Variants in ZFYVE16 observed in about 807,000 individuals in gnomAD.
ZFYVE16 encodes zinc finger FYVE-type containing 16.
In ZFYVE16, 89 loss-of-function variants were observed where a neutral mutation model predicts 138.1. The ratio of observed to expected loss-of-function variants is 0.64; its 90% CI spans 0.54 to 0.77. ZFYVE16 has a LOEUF of 0.77. ZFYVE16 is among the 30% of genes least tolerant of loss of function. ZFYVE16 has a pLI of 0.00. For missense variants in ZFYVE16, 1,793 were observed against 1,786.7 expected, an observed-to-expected ratio of 1.00 and a Z score of -0.06; for synonymous variants, 596 against 618.3, an observed-to-expected ratio of 0.96 and a Z score of 0.53.
chr5:80,455,313 C>CT (rs1191886928), intron 11 of ZFYVE16: 1 of 213,374 alleles, frequency 4.7e-6, no homozygotes, highest in Non-Finnish European at 9.4e-6. Context: ...GTGGGTGGAT[C>CT]ACCTGAGGTC....
At chr5:80,461,319 A>C (rs949472812) in intron 15 of ZFYVE16, among the ~76,000 whole-genome samples, 1 of 152,206 alleles carries the variant, frequency 6.6e-6, no homozygotes. Flanking sequence ...TAATTCCTGT[A>C]TATCCAATCA....
intron 11 of ZFYVE16, among the ~76,000 whole-genome samples, chr5:80,453,457 C>A (rs904386931): frequency 7.2e-5 from 11 of 152,072 alleles, no homozygotes; most frequent in African/African-American, 2.7e-4. Flanking sequence ...AGTAGTACTT[C>A]TAGATAGTAA....
chr5:80,443,901 T>C, intron 6 of ZFYVE16: 1 of 455,232 alleles, frequency 2.2e-6, no homozygotes. Flanking sequence ...GAGGGTGAGC[T>C]TGGGTTTGAG....
intron 1 of ZFYVE16, among the ~76,000 whole-genome samples, chr5:80,417,277 C>T (rs1245900956): frequency 5.3e-5 from 8 of 152,160 alleles, no homozygotes; most frequent in African/African-American, 1.9e-4. Context: ...CTTATTCCTA[C>T]GTCCCCTGTG....
At chr5:80,420,526 A>C (rs1746983741) in intron 1 of ZFYVE16, among the ~76,000 whole-genome samples, 1 of 151,992 alleles carries the variant, frequency 6.6e-6, no homozygotes, top group Admixed American at 6.6e-5. Context: ...ATTCCCACCT[A>C]TGAGTGAGAA....
intron 18 of ZFYVE16, among the ~76,000 whole-genome samples, chr5:80,476,220 A>T (rs1195306230): frequency 1.3e-5 from 2 of 152,198 alleles, no homozygotes; most frequent in African/African-American, 2.4e-5. Flanking sequence ...TATAGGTGTG[A>T]GCCACCGCAC....
At position 80,438,347 on chromosome 5, in the gene ZFYVE16, A is replaced by G. The variant is rs1374064523; in HGVS notation, c.1662A>G (p.Val554=). 2 of 1,613,680 alleles carry G rather than the reference A, an allele frequency of 1.2e-6. No individual in the cohort carries two copies. Among genetic ancestry groups the G allele is most frequent in the South Asian group, 2.2e-5 (2 of 91,044 alleles). The change falls in exon 4 of 19, where the codon GTA becomes GTG. Residue 554 remains valine, a synonymous_variant. Transcript: ENST00000505560. ...TTNIKSFEEN[V]NDSKSQMNQI... ...ACATAAAGTCTTTTGAAGAAAATGT[A>G]AATGACTCTAAATCGCAAATGAATC...
At chr5:80,447,495 TAA>T (rs1197301250) in intron 7 of ZFYVE16, among the ~76,000 whole-genome samples, 1 of 152,292 alleles carries the variant, frequency 6.6e-6, no homozygotes, top group Non-Finnish European at 1.5e-5. Context: ...GGTTCTTATT[TAA>T]TACTGACTTT....
At chr5:80,422,413 A>C in intron 1 of ZFYVE16, among the ~76,000 whole-genome samples, 1 of 152,096 alleles carries the variant, frequency 6.6e-6, no homozygotes, top group South Asian at 2.1e-4. Flanking sequence ...CTCTACTCAT[A>C]GTTTGCTAAG....
At chr5:80,444,643 T>A (rs1561289059) in intron 6 of ZFYVE16, among the ~76,000 whole-genome samples, 1 of 152,050 alleles carries the variant, frequency 6.6e-6, no homozygotes, top group Non-Finnish European at 1.5e-5. Context: ...TATGCTTCTC[T>A]TGTTAAATAA....
At chr5:80,421,551 A>C (rs1747177277) in intron 1 of ZFYVE16, among the ~76,000 whole-genome samples, 1 of 152,182 alleles carries the variant, frequency 6.6e-6, no homozygotes, top group Admixed American at 6.5e-5. Flanking sequence ...TTAAATAGGG[A>C]ATCCTTTCCC....
chr5:80,413,649 T>C (rs115008439), intron 1 of ZFYVE16, among the ~76,000 whole-genome samples: 3,292 of 152,204 alleles, frequency 0.022, 56 homozygotes, highest in South Asian at 0.046. Context: ...AGAGGGTAGG[T>C]AGCTAATAAT....
chr5:80,421,789 G>T (rs1211015608), intron 1 of ZFYVE16, among the ~76,000 whole-genome samples: 1 of 152,074 alleles, frequency 6.6e-6, no homozygotes, highest in East Asian at 1.9e-4. Context: ...CCCTTTTTTG[G>T]TTCCATATGA....
intron 17 of ZFYVE16, 127 bp from the exon 18 acceptor site, chr5:80,474,536 C>G: frequency 1.0e-6 from 1 of 958,602 alleles, no homozygotes; most frequent in Admixed American, 2.7e-5. Context: ...GCTATCGATA[C>G]AGAATTCTCA....
intron 1 of ZFYVE16, among the ~76,000 whole-genome samples, chr5:80,412,291 G>A (rs550628222): frequency 6.6e-6 from 1 of 152,034 alleles, no homozygotes; most frequent in East Asian, 1.9e-4. Flanking sequence ...TAAATATTAC[G>A]AAGATTTTTT....
At chr5:80,431,427 T>C (rs1251828486) in intron 2 of ZFYVE16, among the ~76,000 whole-genome samples, 1 of 152,220 alleles carries the variant, frequency 6.6e-6, no homozygotes, top group Non-Finnish European at 1.5e-5. Context: ...TAGGTATTGA[T>C]GAGACGTATC....
chr5:80,432,468 A>G (rs1344411470), intron 2 of ZFYVE16, among the ~76,000 whole-genome samples: 1 of 152,188 alleles, frequency 6.6e-6, no homozygotes, highest in East Asian at 1.9e-4. Context: ...TGTTAGACCT[A>G]AAACTATAAA....
intron 14 of ZFYVE16, among the ~76,000 whole-genome samples, chr5:80,458,008 AGAGAAACAGAGC>A (rs1752703645): frequency 1.3e-5 from 2 of 150,116 alleles, no homozygotes; most frequent in African/African-American, 4.9e-5. Context: ...CCTGAGCGAC[AGAGAAACAGAGC>A]GAGACTACGT....
chr5:80,408,586 A>T (rs971780157), intron 1 of ZFYVE16, among the ~76,000 whole-genome samples: 2 of 152,198 alleles, frequency 1.3e-5, no homozygotes, highest in Non-Finnish European at 2.9e-5. Context: ...CCCGCAGAGG[A>T]GTCTCATCGC....
Sources: gnomAD v4.1 joint callset for allele counts (sites outside exome capture counted in the v4.1 genomes callset) on GRCh38, gnomAD v4.1.1 for gene constraint, MANE v1.5 for transcripts, NCBI Gene and HGNC (gene_info 2026-07-23, HGNC 2026-07-21) for gene names.